The following CTDSPL variants were observed in gnomAD, a reference collection of about 807,000 sequenced individuals.
CTDSPL encodes CTD small phosphatase-like protein.
In CTDSPL, 8 loss-of-function variants were observed where a neutral mutation model predicts 30.5. That is an observed-to-expected ratio of 0.26 (90% CI 0.15 to 0.47). The LOEUF (loss-of-function observed/expected upper bound fraction) is 0.47. Ranked by LOEUF, CTDSPL falls within the 20% of genes least tolerant of loss-of-function variation. The pLI, the probability that CTDSPL is intolerant of heterozygous loss-of-function variation, is 0.99. For missense variants in CTDSPL, 248 were observed against 366.1 expected (o/e 0.68, Z 2.63); for synonymous variants, 110 against 137.9 (o/e 0.80, Z 1.42).
chr3:37,919,604 G>A (rs1225380128), intron 1 of CTDSPL, among the ~76,000 whole-genome samples: 1 of 152,204 alleles, frequency 6.6e-6, no homozygotes, highest in Non-Finnish European at 1.5e-5. Flanking sequence ...CCAGGTCCTG[G>A]AGAAGTTGAG....
chr3:37,895,234 C>G (rs891248929), intron 1 of CTDSPL, among the ~76,000 whole-genome samples: 17 of 152,084 alleles, frequency 1.1e-4, no homozygotes, highest in Non-Finnish European at 4.4e-5. Context: ...TTGCCATTGC[C>G]AACATTCAGC....
At chr3:37,949,386 C>T (rs574459410) in intron 2 of CTDSPL, among the ~76,000 whole-genome samples, 1 of 151,964 alleles carries the variant, frequency 6.6e-6, no homozygotes, top group Non-Finnish European at 1.5e-5. Context: ...GATTATAATA[C>T]CGAAAAATTA....
At position 37,975,307 on chromosome 3, in the gene CTDSPL, A is replaced by G. The variant is rs539501370; in HGVS notation, c.520-402A>G. 6.6e-5 allele frequency among the ~76,000 whole-genome samples: 10 copies of G among 152,206 alleles called. No homozygotes were observed. The highest frequency in any genetic ancestry group is 1.5e-4 in the Non-Finnish European group (10 of 68,038). On this transcript the variant is annotated intron_variant, in intron 6 of 7. Transcript: ENST00000273179. This position sits in a 1 kb window ranked among gnomAD's most constrained non-coding sequence, Gnocchi z 4.9. ...GGAGAGTTTTCAGCAGAGGAGTGACATGATGGCACATATGTTTTCCAGTGG... is the reference window on the plus strand; with the variant it reads ...GGAGAGTTTTCAGCAGAGGAGTGACGTGATGGCACATATGTTTTCCAGTGG...
At chr3:37,965,011 T>A (rs533716743) in intron 4 of CTDSPL, among the ~76,000 whole-genome samples, 19 of 152,276 alleles carry the variant, frequency 1.2e-4, no homozygotes, top group African/African-American at 4.1e-4. Flanking sequence ...TTTGTCAAGA[T>A]GACCAGAGTG....
Position 37,889,192 on chromosome 3 carries a change from T to C in CTDSPL, c.79+26914T>C, listed in dbSNP as rs555993150. Among the ~76,000 whole-genome samples, 4 of 152,318 alleles carry C rather than the reference T, an allele frequency of 2.6e-5. No individual in the cohort carries two copies. In the East Asian group the frequency reaches 7.7e-4, roughly 29 times the overall value. ...TAGCTGTAACTTTTATTTATTCATG[T>C]ACTCCCTCCTCAATACAGGACGTGG... On this transcript the variant is annotated intron_variant, in intron 1 of 7. Coordinates refer to ENST00000273179, the MANE Select transcript of CTDSPL (RefSeq NM_001008392.2).
At chr3:37,948,116 T>C (rs1232822453) in intron 2 of CTDSPL, among the ~76,000 whole-genome samples, 2 of 152,098 alleles carry the variant, frequency 1.3e-5, no homozygotes, top group African/African-American at 2.4e-5. Flanking sequence ...AAACCCCTTC[T>C]GTAGCAAAAA....
chr3:37,869,123 C>T (rs537543586), intron 1 of CTDSPL, among the ~76,000 whole-genome samples: 20 of 152,200 alleles, frequency 1.3e-4, no homozygotes, highest in South Asian at 8.3e-4. Flanking sequence ...ATTAGATTTA[C>T]ATCTGAGTGT....
chr3:37,890,765 G>T (rs1311604088), intron 1 of CTDSPL, among the ~76,000 whole-genome samples: 1 of 152,118 alleles, frequency 6.6e-6, no homozygotes, highest in Admixed American at 6.5e-5. Context: ...AGGTAACTGG[G>T]CTATCTCCTG....
intron 1 of CTDSPL, among the ~76,000 whole-genome samples, chr3:37,866,712 A>G (rs1398058400): frequency 6.6e-6 from 1 of 152,190 alleles, no homozygotes; most frequent in East Asian, 1.9e-4. Flanking sequence ...GTTTGGGCAG[A>G]TATTTTTGCC....
At chr3:37,933,310 C>G (rs999373575) in intron 1 of CTDSPL, among the ~76,000 whole-genome samples, 2 of 152,168 alleles carry the variant, frequency 1.3e-5, no homozygotes, top group Non-Finnish European at 2.9e-5. Flanking sequence ...TCATTCTCCT[C>G]TCCCTTCCAG....
intron 5 of CTDSPL, among the ~76,000 whole-genome samples, chr3:37,969,801 A>G (rs1366988998): frequency 6.6e-6 from 1 of 152,036 alleles, no homozygotes; most frequent in East Asian, 1.9e-4. Context: ...TCAGCCACAA[A>G]TCCATGTCCA....
intron 2 of CTDSPL, among the ~76,000 whole-genome samples, chr3:37,951,411 C>T (rs1699106719): frequency 6.6e-6 from 1 of 151,856 alleles, no homozygotes; most frequent in East Asian, 1.9e-4. Flanking sequence ...TGCAGTGACT[C>T]ATTCCTGTAA....
intron 1 of CTDSPL, among the ~76,000 whole-genome samples, chr3:37,906,667 A>G (rs1248760184): frequency 2.0e-5 from 3 of 152,116 alleles, no homozygotes; most frequent in Non-Finnish European, 2.9e-5. Context: ...AGAGCCACTG[A>G]TGCCCTGGTA....
At chr3:37,967,955 C>T in intron 5 of CTDSPL, 73 bp downstream of exon 5, 1 of 1,003,434 alleles carries the variant, frequency 1.0e-6, no homozygotes, top group South Asian at 1.5e-5. Context: ...AACTTTATTT[C>T]TAAATTCTCA....
intron 1 of CTDSPL, among the ~76,000 whole-genome samples, chr3:37,892,923 G>A (rs991097269): frequency 6.6e-6 from 1 of 152,234 alleles, no homozygotes; most frequent in African/African-American, 2.4e-5. Context: ...GATCTTTAGG[G>A]AAAAGAGTTT....
intron 1 of CTDSPL, among the ~76,000 whole-genome samples, chr3:37,919,113 C>T (rs947659835): frequency 6.6e-6 from 1 of 152,108 alleles, no homozygotes; most frequent in Non-Finnish European, 1.5e-5. Context: ...CTTCCCCCTA[C>T]CCCCCACCAA....
chr3:37,956,258 C>T (rs748553041), intron 2 of CTDSPL, among the ~76,000 whole-genome samples: 3 of 152,298 alleles, frequency 2.0e-5, no homozygotes, highest in South Asian at 4.1e-4. Context: ...GGCCCCTTCA[C>T]GTGAGACCTC....
intron 1 of CTDSPL, among the ~76,000 whole-genome samples, chr3:37,868,948 T>C (rs1401749804): frequency 1.3e-5 from 2 of 152,106 alleles, no homozygotes; most frequent in Non-Finnish European, 2.9e-5. Context: ...AATATCTTCC[T>C]GAGATTTTGA....
Position 37,935,797 on chromosome 3 carries a change from T to C in CTDSPL, c.80-11260T>C, listed in dbSNP as rs759342753. On this transcript the variant is annotated intron_variant, in intron 1 of 7. Coordinates refer to ENST00000273179, the MANE Select transcript of CTDSPL (RefSeq NM_001008392.2). ...GGGCCTCAGATTCAGAGTTTCTCTA[T>C]GGAAATTAGATCAAAACCTACAAGA... Among the ~76,000 whole-genome samples, 170 of 152,112 alleles carry C rather than the reference T, an allele frequency of 1.1e-3. 2 individuals carry two copies. Among genetic ancestry groups the C allele is most frequent in the Non-Finnish European group, 2.6e-4 (18 of 68,032 alleles).
Sources: gnomAD v4.1 joint callset for allele counts (sites outside exome capture counted in the v4.1 genomes callset) on GRCh38, gnomAD v4.1.1 for gene constraint, Gnocchi (gnomAD v3.1) non-coding constraint, MANE v1.5 for transcripts, NCBI Gene and HGNC (gene_info 2026-07-23, HGNC 2026-07-21) for gene names.